Variants in RANBP2 observed in about 807,000 individuals in gnomAD.
The protein encoded by RANBP2 is RAN binding protein 2.
RANBP2 carries 57 observed loss-of-function variants against 303.6 expected under a neutral mutation model. That is an observed-to-expected ratio of 0.19 (90% CI 0.15 to 0.23). RANBP2 has a LOEUF of 0.23. RANBP2 is among the 10% of genes least tolerant of loss of function. RANBP2 has a pLI of 1.00. For missense variants in RANBP2, 3,138 were observed against 3,780.8 expected, an observed-to-expected ratio of 0.83 and a Z score of 4.46; for synonymous variants, 1,167 against 1,301.5, an observed-to-expected ratio of 0.90 and a Z score of 2.23.
the RANBP2 span, among the ~76,000 whole-genome samples, chr2:109,073,119 C>T: frequency 9.2e-5 from 14 of 152,118 alleles, no homozygotes; most frequent in South Asian, 1.5e-3. Context: ...ATTTACCAGA[C>T]AAAAAATCAA....
At chr2:109,763,804 T>C in the RANBP2 span, among the ~76,000 whole-genome samples, 1 of 149,920 alleles carries the variant, frequency 6.7e-6, no homozygotes, top group South Asian at 2.2e-4. Context: ...CTTTTTCTAA[T>C]TGATGGACAT....
At chr2:109,234,047 T>C in the RANBP2 span, among the ~76,000 whole-genome samples, 2 of 152,250 alleles carry the variant, frequency 1.3e-5, no homozygotes, top group East Asian at 3.8e-4. Flanking sequence ...TATGTTTCCA[T>C]TTCTCTTGGA....
At chr2:109,615,907 A>G in the RANBP2 span, 17 of 1,610,432 alleles carry the variant, frequency 1.1e-5, no homozygotes, top group East Asian at 3.8e-4. Flanking sequence ...CCCAGACTCA[A>G]CAAAATCCGA....
At chr2:109,137,781 A>T in the RANBP2 span, among the ~76,000 whole-genome samples, 2 of 152,164 alleles carry the variant, frequency 1.3e-5, no homozygotes, top group African/African-American at 4.8e-5. Flanking sequence ...GCGTTCAAAG[A>T]CTAATCGGTT....
the RANBP2 span, among the ~76,000 whole-genome samples, chr2:109,427,826 G>A: frequency 6.6e-6 from 1 of 152,280 alleles, no homozygotes; most frequent in Non-Finnish European, 1.5e-5. Flanking sequence ...GGCTGAGCCA[G>A]ACCATGATGT....
the RANBP2 span, among the ~76,000 whole-genome samples, chr2:108,961,858 A>C: frequency 6.6e-6 from 1 of 152,174 alleles, no homozygotes; most frequent in Non-Finnish European, 1.5e-5. Flanking sequence ...CCTGTGCTGG[A>C]AATGAATGGA....
At chr2:108,727,668 A>G (rs1462904540) in intron 1 of RANBP2, among the ~76,000 whole-genome samples, 3 of 136,194 alleles carry the variant, frequency 2.2e-5, no homozygotes, top group African/African-American at 5.7e-5. Context: ...CAGTGGTGCG[A>G]TCTTGGCCCA....
the RANBP2 span, among the ~76,000 whole-genome samples, chr2:109,537,896 C>T: frequency 0.058 from 8,883 of 152,150 alleles, 400 homozygotes; most frequent in African/African-American, 0.12. Context: ...TGCAGTGAGC[C>T]ACGATTGTGC....
chr2:108,921,065 C>G, the RANBP2 span, among the ~76,000 whole-genome samples: 1 of 152,226 alleles, frequency 6.6e-6, no homozygotes, highest in African/African-American at 2.4e-5. Flanking sequence ...CAATTCGAGT[C>G]ATAAGAAACC....
the RANBP2 span, among the ~76,000 whole-genome samples, chr2:109,192,084 G>A: frequency 3.3e-5 from 5 of 152,122 alleles, no homozygotes; most frequent in African/African-American, 1.2e-4. Flanking sequence ...TGCAAACCGA[G>A]CGACAGAAGT....
chr2:108,906,189 G>T, the RANBP2 span: 1 of 1,006,208 alleles, frequency 9.9e-7, no homozygotes, highest in Non-Finnish European at 1.6e-6. Context: ...TGACCAAAGT[G>T]CGGCAACTGG....
the RANBP2 span, among the ~76,000 whole-genome samples, chr2:109,387,811 G>C: frequency 6.6e-6 from 1 of 152,274 alleles, no homozygotes; most frequent in East Asian, 1.9e-4. Context: ...GCCTGCAGTA[G>C]GTGCCCAATT....
chr2:109,240,436 C>T, the RANBP2 span, among the ~76,000 whole-genome samples: 6 of 152,028 alleles, frequency 3.9e-5, no homozygotes, highest in Admixed American at 6.6e-5. Flanking sequence ...TGCAGTGAGC[C>T]AAGATCGCAC....
chr2:109,081,731 G>C, the RANBP2 span, among the ~76,000 whole-genome samples: 38 of 152,050 alleles, frequency 2.5e-4, no homozygotes, highest in Non-Finnish European at 5.3e-4. Context: ...GCAACCCCTC[G>C]GCCCCACCAT....
At chr2:109,614,146 C>G in the RANBP2 span, 1 of 1,199,176 alleles carries the variant, frequency 8.3e-7, no homozygotes, top group Admixed American at 4.4e-5. Context: ...AGGAAGACGG[C>G]GCGAGGAATG....
chr2:108,786,693 C>CGCCCCGCCCCGCCCTGCCCT (rs1420684958), downstream of RANBP2: 15 of 867,142 alleles, frequency 1.7e-5, no homozygotes, highest in African/African-American at 2.6e-4. Flanking sequence ...CGCCCCGCCC[C>CGCCCCGCCCCGCCCTGCCCT]GCCCTTTCCC....
the RANBP2 span, among the ~76,000 whole-genome samples, chr2:108,872,491 AT>A: frequency 1.3e-5 from 2 of 152,232 alleles, no homozygotes; most frequent in Non-Finnish European, 2.9e-5. Flanking sequence ...CATTCCTAGC[AT>A]ATACCACTTA....
chr2:109,288,549 G>A, the RANBP2 span, among the ~76,000 whole-genome samples: 1 of 152,206 alleles, frequency 6.6e-6, no homozygotes, highest in Non-Finnish European at 1.5e-5. Context: ...TGTCATGTTG[G>A]TCTGGAGTCA....
chr2:109,265,239 G>A, the RANBP2 span, among the ~76,000 whole-genome samples: 2 of 152,288 alleles, frequency 1.3e-5, no homozygotes, highest in East Asian at 1.9e-4. Context: ...GGATTAAAGG[G>A]CCAAGGCAGG....
Sources: allele counts gnomAD v4.1 joint callset (sites outside exome capture counted in the v4.1 genomes callset), GRCh38; gene constraint gnomAD v4.1.1; transcripts MANE v1.5; gene names NCBI Gene and HGNC (gene_info 2026-07-23, HGNC 2026-07-21).